The following SETBP1 variants were observed in gnomAD, a reference collection of about 807,000 sequenced individuals.
The protein encoded by SETBP1 is SET binding protein 1, also known as SET-binding protein.
SETBP1 carries 9 observed loss-of-function variants against 101.0 expected under a neutral mutation model. That is an observed-to-expected ratio of 0.09 (90% CI 0.05 to 0.16). The LOEUF is 0.16. SETBP1 is among the 10% of genes least tolerant of loss of function. The pLI is 1.00. For missense variants in SETBP1, 1,858 were observed against 2,033.8 expected (o/e 0.91, Z 1.66); for synonymous variants, 818 against 788.5 (o/e 1.04, Z -0.63).
intron 3 of SETBP1, among the ~76,000 whole-genome samples, chr18:44,948,035 C>T (rs184067897): frequency 1.3e-5 from 2 of 152,258 alleles, no homozygotes; most frequent in Admixed American, 6.5e-5. Flanking sequence ...TTTTATGCCA[C>T]GAATAAGATT....
chr18:44,990,945 AAAG>A (rs1423967675), intron 4 of SETBP1, among the ~76,000 whole-genome samples: 1 of 151,048 alleles, frequency 6.6e-6, no homozygotes, highest in African/African-American at 2.4e-5. Flanking sequence ...AAAAAAAAAA[AAAG>A]AAACCAAAAA....
chr18:44,684,292 C>G (rs1300155931), intron 1 of SETBP1, among the ~76,000 whole-genome samples: 1 of 152,170 alleles, frequency 6.6e-6, no homozygotes, highest in Non-Finnish European at 1.5e-5. Context: ...CATACTTTGG[C>G]CTGCCATATA....
At chr18:45,015,110 C>T (rs1158798276) in intron 4 of SETBP1, among the ~76,000 whole-genome samples, 10 of 152,146 alleles carry the variant, frequency 6.6e-5, no homozygotes, top group Non-Finnish European at 1.5e-4. Flanking sequence ...CTAGATTTTT[C>T]GGGGTCCAAG....
At chr18:44,863,203 T>C (rs2069053080) in intron 2 of SETBP1, among the ~76,000 whole-genome samples, 1 of 152,318 alleles carries the variant, frequency 6.6e-6, no homozygotes. Flanking sequence ...CTTAGACCCC[T>C]TTCCTTTTCT....
At chr18:44,779,934 GCA>G (rs573738760) in intron 2 of SETBP1, among the ~76,000 whole-genome samples, 6 of 150,218 alleles carry the variant, frequency 4.0e-5, no homozygotes, top group Non-Finnish European at 1.5e-5. Context: ...ACACACGCAC[GCA>G]CACACACACG....
intron 2 of SETBP1, among the ~76,000 whole-genome samples, chr18:44,725,568 A>G (rs2069688285): frequency 6.6e-6 from 1 of 152,160 alleles, no homozygotes; most frequent in Non-Finnish European, 1.5e-5. Flanking sequence ...AGTGAATAGC[A>G]CTGATGGTTT....
At chr18:44,943,835 T>G (rs980976577) in intron 3 of SETBP1, among the ~76,000 whole-genome samples, 1 of 119,218 alleles carries the variant, frequency 8.4e-6, no homozygotes, top group Non-Finnish European at 1.7e-5. Context: ...TTTTTCTTTT[T>G]TTTTCTTTTT....
intron 3 of SETBP1, among the ~76,000 whole-genome samples, chr18:44,901,948 C>G (rs980618390): frequency 6.6e-6 from 1 of 152,162 alleles, no homozygotes; most frequent in Non-Finnish European, 1.5e-5. Context: ...TCCCCAGTTA[C>G]AAACTTATTT....
chr18:44,944,742 A>G (rs147384288), intron 3 of SETBP1, among the ~76,000 whole-genome samples: 1 of 152,188 alleles, frequency 6.6e-6, no homozygotes, highest in Non-Finnish European at 1.5e-5. Context: ...AGCTAACCCA[A>G]AAGAGTAGTT....
At chr18:45,028,787 T>C (rs565614866) in intron 4 of SETBP1, among the ~76,000 whole-genome samples, 1,774 of 152,306 alleles carry the variant, frequency 0.012, 26 homozygotes, top group African/African-American at 0.04. Context: ...TTTCATGTGT[T>C]TTTTGGCTGC....
intron 2 of SETBP1, among the ~76,000 whole-genome samples, chr18:44,807,153 T>C (rs1017723192): frequency 6.6e-6 from 1 of 152,182 alleles, no homozygotes; most frequent in Non-Finnish European, 1.5e-5. Flanking sequence ...AACTTGGCAA[T>C]ATAATGTGAG....
At chr18:45,049,176 G>A (rs1568050735) in intron 5 of SETBP1, among the ~76,000 whole-genome samples, 1 of 152,078 alleles carries the variant, frequency 6.6e-6, no homozygotes, top group African/African-American at 2.4e-5. Context: ...TCAACTGAAT[G>A]GTACTAAGAG....
intron 4 of SETBP1, among the ~76,000 whole-genome samples, chr18:45,028,703 C>T (rs2073224629): frequency 6.6e-6 from 1 of 152,198 alleles, no homozygotes; most frequent in African/African-American, 2.4e-5. Context: ...GATTGCCATT[C>T]TAACTGTTGT....
chr18:44,709,610 C>T (rs902714372), intron 2 of SETBP1, among the ~76,000 whole-genome samples: 1 of 152,152 alleles, frequency 6.6e-6, no homozygotes, highest in South Asian at 2.1e-4. Flanking sequence ...GTCCTGCTCT[C>T]ATTGCTGTTT....
At chr18:44,906,367 A>C (rs2070175818) in intron 3 of SETBP1, among the ~76,000 whole-genome samples, 1 of 152,284 alleles carries the variant, frequency 6.6e-6, no homozygotes, top group African/African-American at 2.4e-5. Flanking sequence ...GTTTGTCCTT[A>C]GTGTTTGTGT....
At chr18:44,754,607 A>T (rs1387231910) in intron 2 of SETBP1, among the ~76,000 whole-genome samples, 1 of 152,202 alleles carries the variant, frequency 6.6e-6, no homozygotes, top group African/African-American at 2.4e-5. Context: ...CTCTTAAAAT[A>T]AGTACCACAT....
At chr18:45,009,847 T>C (rs1454637957) in intron 4 of SETBP1, among the ~76,000 whole-genome samples, 2 of 152,288 alleles carry the variant, frequency 1.3e-5, no homozygotes, top group East Asian at 3.9e-4. Flanking sequence ...CACTGCCTTA[T>C]TCTTTCCAAT....
intron 2 of SETBP1, among the ~76,000 whole-genome samples, chr18:44,709,004 T>G (rs1034340052): frequency 6.6e-6 from 1 of 152,136 alleles, no homozygotes; most frequent in African/African-American, 2.4e-5. Flanking sequence ...AGGGTCAGAG[T>G]TGAGCTTAAA....
chr18:44,984,814 A>G (rs1351020622), intron 4 of SETBP1, among the ~76,000 whole-genome samples: 1 of 152,148 alleles, frequency 6.6e-6, no homozygotes, highest in Non-Finnish European at 1.5e-5. Context: ...ATTTGCAGAG[A>G]AGGCACGAAT....
Sources: gnomAD v4.1 joint callset for allele counts (sites outside exome capture counted in the v4.1 genomes callset) on GRCh38, gnomAD v4.1.1 for gene constraint, MANE v1.5 for transcripts, NCBI Gene and HGNC (gene_info 2026-07-23, HGNC 2026-07-21) for gene names.